Variants in ARHGAP17 observed in about 807,000 individuals in gnomAD.
The protein encoded by ARHGAP17 is rho GTPase-activating protein 17.
A neutral mutation model predicts 99.5 loss-of-function variants in ARHGAP17; 57 were observed. The ratio of observed to expected loss-of-function variants is 0.57; its 90% CI spans 0.46 to 0.71. ARHGAP17 has a LOEUF of 0.71. ARHGAP17 is among the 30% of genes least tolerant of loss of function. The pLI, the probability that ARHGAP17 is intolerant of heterozygous loss-of-function variation, is 0.00. For missense variants in ARHGAP17, 1,000 were observed against 1,122.4 expected (o/e 0.89, Z 1.56); for synonymous variants, 417 against 429.6 (o/e 0.97, Z 0.36).
At chr16:24,942,473 A>G (rs887063500) in intron 15 of ARHGAP17, among the ~76,000 whole-genome samples, 3 of 152,210 alleles carry the variant, frequency 2.0e-5, no homozygotes, top group African/African-American at 7.2e-5. Flanking sequence ...AATCATTCAA[A>G]AAGAGACATT....
chr16:24,993,171 TA>T (rs1004104314), intron 1 of ARHGAP17, among the ~76,000 whole-genome samples: 133 of 151,914 alleles, frequency 8.8e-4, no homozygotes, highest in African/African-American at 3.1e-3. Flanking sequence ...TACTAAAATT[TA>T]AAAAAAAATT....
intron 1 of ARHGAP17, among the ~76,000 whole-genome samples, chr16:25,011,396 C>G (rs1000605077): frequency 6.6e-6 from 1 of 152,162 alleles, no homozygotes; most frequent in Non-Finnish European, 1.5e-5. Flanking sequence ...CCAGTGGACA[C>G]AGTGCCTACC....
chr16:24,968,845 G>T, intron 4 of ARHGAP17, 73 bp from the exon 5 acceptor site: 1 of 1,438,192 alleles, frequency 7.0e-7, no homozygotes. Context: ...GTGGATCAGT[G>T]CTGCTTGCCA....
At chr16:24,961,387 G>A (rs946966331) in intron 7 of ARHGAP17, among the ~76,000 whole-genome samples, 18 of 151,522 alleles carry the variant, frequency 1.2e-4, no homozygotes, top group Admixed American at 6.6e-4. Flanking sequence ...GTGACAGGCT[G>A]AGTGTGGTGG....
In ARHGAP17 at chr16:24,942,004, G is replaced by A; in HGVS notation, c.1473C>T (p.Asp491=). Residue 491 remains aspartate, a synonymous_variant, in exon 16 of 20, where the codon GAC becomes GAT. Coordinates refer to ENST00000289968, the MANE Select transcript of ARHGAP17 (RefSeq NM_001006634.3). Reference sequence around the variant, plus strand: ...AATCATACCTTTCCTTCTTCACCAAGTCTCCTTCCATCACCGCCATGCTAG... The same window carrying A: ...AATCATACCTTTCCTTCTTCACCAAATCTCCTTCCATCACCGCCATGCTAG... ...RPASMAVMEG[D]LVKKESFGVK... 1.2e-6 allele frequency: 2 copies of A among 1,613,978 alleles called. No individual in the cohort carries two copies. Among genetic ancestry groups the A allele is most frequent in the South Asian group, 1.1e-5 (1 of 91,072 alleles).
At chr16:25,012,451 G>A (rs779021714) in intron 1 of ARHGAP17, among the ~76,000 whole-genome samples, 6 of 152,060 alleles carry the variant, frequency 3.9e-5, no homozygotes, top group Admixed American at 1.3e-4. Context: ...ACCAAAACAC[G>A]ATGGGCATGA....
chr16:24,919,686 A>G lies in ARHGAP17; in HGVS notation c.*444T>C, dbSNP rs111886502. ...AGGAGCGCAGCCTCCCTCCTAATAC[A>G]TAAGAATGAACGTCCAGGTAGCAGA... On this transcript the variant is annotated 3_prime_UTR_variant, in exon 20 of 20. Transcript: ENST00000289968. The G allele has an allele frequency of 2.2e-3, 342 of 154,378 alleles. 1 individual carries two copies. The highest frequency in any genetic ancestry group is 7.9e-3 in the Admixed American group (123 of 15,548). 9.6% of individuals were successfully genotyped at this position (154,378 alleles called of 1,614,324 possible).
chr16:24,968,471 T>C (rs577336088), intron 5 of ARHGAP17, 44 bp from the exon 6 acceptor site: 9 of 1,607,036 alleles, frequency 5.6e-6, no homozygotes, highest in South Asian at 5.5e-5. Flanking sequence ...TCAGGGCTTT[T>C]AGGTTAACCA....
Position 24,919,998 on chromosome 16 carries a change from TCCCG to T in ARHGAP17, c.*128_*131del. 1 of 1,353,060 alleles carries T rather than the reference TCCCG, an allele frequency of 7.4e-7. No homozygotes were observed. Among genetic ancestry groups the T allele is most frequent in the East Asian group, 2.4e-5 (1 of 41,714 alleles). 83.8% of individuals were successfully genotyped at this position (1,353,060 alleles called of 1,614,324 possible). On this transcript the variant is annotated 3_prime_UTR_variant, in exon 20 of 20. Transcript: ENST00000289968. ...TCCTTGGGCCGTGCAGAAGGCCAGG[TCCCG>T]CACAGTGAGGCCCTCCTTTGTCCTC...
intron 14 of ARHGAP17, among the ~76,000 whole-genome samples, chr16:24,946,646 A>G (rs568506784): frequency 4.6e-5 from 7 of 152,266 alleles, no homozygotes; most frequent in African/African-American, 9.6e-5. Flanking sequence ...AGCAGGAGAT[A>G]AACTCCCATG....
intron 19 of ARHGAP17, among the ~76,000 whole-genome samples, chr16:24,925,646 G>A (rs2050819896): frequency 6.6e-6 from 1 of 152,170 alleles, no homozygotes. Context: ...CCAACTAGGA[G>A]TAATAATACA....
rs1487508202 is a variant in ARHGAP17, at chr16:24,959,858, AAAT to A, written c.642+50_642+52del. 6.8e-6 allele frequency: 11 copies of A among 1,607,334 alleles called. No homozygotes were observed. The East Asian group carries it at 2.5e-4, about 36-fold the overall frequency. On this transcript the variant is annotated intron_variant, in intron 8 of 19. Transcript: ENST00000289968. ...AATGAAATCTTTTGCAAAAAAGCTA[AAAT>A]GACTCCATTTTAACAATGCTTTAAC...
Position 24,968,671 on chromosome 16 carries a change from C to T in ARHGAP17, c.374G>A (p.Gly125Asp). 2 of 1,614,214 alleles carry T rather than the reference C, an allele frequency of 1.2e-6. No individual in the cohort carries two copies. Among genetic ancestry groups the T allele is most frequent in the Non-Finnish European group, 1.7e-6 (2 of 1,180,032 alleles). The change falls in exon 5 of 20, where the codon GGC (glycine) becomes GAC (aspartate). Residue 125 changes from glycine (G) to aspartate (D), a missense_variant. Gly to Asp is a moderately conservative substitution (Grantham distance 94, BLOSUM62 -1). Transcript: ENST00000289968. Reference sequence around the variant, plus strand: ...CGGTGAAGCACCCACCTCAGCTATGCCGTACAGAGGGTCCACGATCTCCTT... The same window carrying T: ...CGGTGAAGCACCCACCTCAGCTATGTCGTACAGAGGGTCCACGATCTCCTT... ...VEKEIVDPLY[G>D]IAEVEIPNIQ...
intron 1 of ARHGAP17, among the ~76,000 whole-genome samples, chr16:24,990,559 AGGTAG>A (rs2053008915): frequency 6.6e-6 from 1 of 151,972 alleles, no homozygotes; most frequent in South Asian, 2.1e-4. Flanking sequence ...TAGGAAGCTT[AGGTAG>A]GAGGGTCATT....
At chr16:25,002,395 C>T (rs1567268272) in intron 1 of ARHGAP17, among the ~76,000 whole-genome samples, 1 of 152,166 alleles carries the variant, frequency 6.6e-6, no homozygotes, top group Non-Finnish European at 1.5e-5. Flanking sequence ...TCTGAGCCTA[C>T]TGCAGTAGCT....
In ARHGAP17 at chr16:25,000,440, G is replaced by T. The variant is rs74950873; in HGVS notation, c.53+14769C>A. 5.9e-3 allele frequency among the ~76,000 whole-genome samples: 903 copies of T among 152,264 alleles called. 10 individuals are homozygous for T. The highest frequency in any genetic ancestry group is 0.02 in the African/African-American group (849 of 41,562). ...TAAGCATTGCTTGGACAACTGGCAGGCTTTCTTGAGCTGCCGACCATGTGG... is the reference window on the plus strand; with the variant it reads ...TAAGCATTGCTTGGACAACTGGCAGTCTTTCTTGAGCTGCCGACCATGTGG... On this transcript the variant is annotated intron_variant, in intron 1 of 19. Transcript: ENST00000289968.
intron 7 of ARHGAP17, 74 bp from the exon 8 acceptor site, chr16:24,960,053 G>A: frequency 2.8e-6 from 4 of 1,409,562 alleles, no homozygotes; most frequent in Non-Finnish European, 4.0e-6. Context: ...AACAATCTCT[G>A]TGAGCTCTTA....
At chr16:24,944,374 T>C (rs2051406311) in intron 14 of ARHGAP17, among the ~76,000 whole-genome samples, 1 of 152,006 alleles carries the variant, frequency 6.6e-6, no homozygotes, top group South Asian at 2.1e-4. Flanking sequence ...TAGTGTGCAC[T>C]GTGATAACAA....
chr16:24,976,600 A>C (rs1008118877), intron 3 of ARHGAP17, among the ~76,000 whole-genome samples: 3 of 152,084 alleles, frequency 2.0e-5, no homozygotes, highest in Non-Finnish European at 4.4e-5. Flanking sequence ...AAGCAAAAAG[A>C]AAAGAAAAAA....
Sources: allele counts gnomAD v4.1 joint callset (sites outside exome capture counted in the v4.1 genomes callset), GRCh38; gene constraint gnomAD v4.1.1; transcripts MANE v1.5; gene names NCBI Gene and HGNC (gene_info 2026-07-23, HGNC 2026-07-21).